FBH1: variants seen among roughly 807,000 people sequenced by gnomAD.
The protein encoded by FBH1 is F-box DNA helicase 1, also known as DNA 3'-5' helicase 1.
Under a neutral mutation model 115.5 loss-of-function variants are expected in FBH1, and 43 were observed. That is an observed-to-expected ratio of 0.37 (90% CI 0.29 to 0.48). The LOEUF is 0.48. Ranked by LOEUF, FBH1 falls within the 20% of genes least tolerant of loss-of-function variation. The pLI is 0.99. For synonymous variants in FBH1, 524 were observed against 507.8 expected (o/e 1.03, Z -0.43); for missense variants, 1,001 against 1,337.3 (o/e 0.75, Z 3.92).
In FBH1 at chr10:5,917,786, G is replaced by A. The variant is rs1193371810; in HGVS notation, c.1963+110G>A. The A allele has an allele frequency of 5.7e-6, 5 of 884,218 alleles. No homozygotes were observed. In the African/African-American group the frequency reaches 6.7e-5, roughly 12 times the overall value. The allele number at this position is 884,218 out of a possible 1,614,324, so 54.8% of individuals were successfully genotyped here. ...GTTGATTATTATTATTTGTGATAAAGAAGAGGATCTTCATACTTACCTTAG... is the reference window on the plus strand; with the variant it reads ...GTTGATTATTATTATTTGTGATAAAAAAGAGGATCTTCATACTTACCTTAG... On this transcript the variant is annotated intron_variant, in intron 12 of 20. Coordinates refer to ENST00000362091, the MANE Select transcript of FBH1 (RefSeq NM_178150.3). The surrounding 1 kb of genome is among the most constrained non-coding windows in gnomAD (Gnocchi z 5.6).
Position 5,935,736 on chromosome 10 carries a change from G to A in FBH1, c.2830-720G>A, listed in dbSNP as rs1833296181. 1 of 152,166 alleles carries A rather than the reference G, an allele frequency of 6.6e-6. No homozygotes were observed. The highest frequency in any genetic ancestry group is 1.5e-5 in the Non-Finnish European group (1 of 67,986). 9.4% of individuals were successfully genotyped at this position (152,166 alleles called of 1,614,324 possible). The stretch of plus-strand genomic sequence containing the variant: ...TAGCTGGTCATAATCCAGAAAATAC[G>A]AAACCGTCCTTTCCTGGGCAGCAGA... On this transcript the variant is annotated intron_variant, in intron 19 of 20. Transcript: ENST00000362091. This position sits in a 1 kb window ranked among gnomAD's most constrained non-coding sequence, Gnocchi z 5.2.
chr10:5,896,906 T>C (rs1179766423), intron 1 of FBH1, among the ~76,000 whole-genome samples: 2 of 152,090 alleles, frequency 1.3e-5, no homozygotes, highest in East Asian at 1.9e-4. Flanking sequence ...GGAAGGAGGA[T>C]TTTTATGGAA....
At chr10:5,930,954 T>G (rs999590626) in intron 19 of FBH1, among the ~76,000 whole-genome samples, 2 of 152,050 alleles carry the variant, frequency 1.3e-5, no homozygotes, top group Non-Finnish European at 2.9e-5. Flanking sequence ...AGACAGGGTC[T>G]CACTCACTAT....
Position 5,895,026 on chromosome 10 carries a change from T to A in FBH1, c.1+4680T>A. On this transcript the variant is annotated intron_variant, in intron 1 of 20. Coordinates refer to ENST00000362091, the MANE Select transcript of FBH1 (RefSeq NM_178150.3). This position sits in a 1 kb window ranked among gnomAD's most constrained non-coding sequence, Gnocchi z 5.0. ...GGAGTTGAGAGATAACACAGTTAAC[T>A]GTTGAAATTGGGCCATTCCCGTTTC... The A allele has an allele frequency of 6.2e-7, 1 of 1,602,184 alleles. No homozygotes were observed. Among genetic ancestry groups the A allele is most frequent in the Non-Finnish European group, 8.5e-7 (1 of 1,171,990 alleles).
Position 5,921,006 on chromosome 10 carries a change from A to G in FBH1, c.2101-252A>G, listed in dbSNP as rs189477098. On this transcript the variant is annotated intron_variant, in intron 13 of 20. Transcript: ENST00000362091. The surrounding 1 kb of genome is among the most constrained non-coding windows in gnomAD (Gnocchi z 6.4). Reference sequence around the variant, plus strand: ...TCATCTTTTGTATGATTTAGACTTCACTAGATTTGATTTGGAGAAAAGGGT... The same window carrying G: ...TCATCTTTTGTATGATTTAGACTTCGCTAGATTTGATTTGGAGAAAAGGGT... Among the ~76,000 whole-genome samples, 131 of 152,354 alleles carry G rather than the reference A, an allele frequency of 8.6e-4. No individual in the cohort carries two copies. Among genetic ancestry groups the G allele is most frequent in the African/African-American group, 3.1e-3 (129 of 41,584 alleles).
rs114297144 is a variant in FBH1 at position 5,910,307 on chromosome 10, T to C, written c.1021-631T>C. 7.7e-3 allele frequency among the ~76,000 whole-genome samples: 1,169 copies of C among 151,992 alleles called. 14 individuals are homozygous for C. The highest frequency in any genetic ancestry group is 0.027 in the African/African-American group (1,116 of 41,468). ...AAAAAAAAAAAAAGATGAAGATCTG[T>C]GTCCACTATTGACTGTTTCTGTGTA... is the stretch of plus-strand genomic sequence containing the variant. On this transcript the variant is annotated intron_variant, in intron 5 of 20. Transcript: ENST00000362091. This position sits in a 1 kb window ranked among gnomAD's most constrained non-coding sequence, Gnocchi z 4.8.
At position 5,915,033 on chromosome 10, in the gene FBH1, C is replaced by T. The variant is rs1477445687; in HGVS notation, c.1397-370C>T. On this transcript the variant is annotated intron_variant, in intron 8 of 20. Transcript: ENST00000362091. This position sits in a 1 kb window ranked among gnomAD's most constrained non-coding sequence, Gnocchi z 5.2. ...AATTCAAAGCTGGACCTGTCTCTCT[C>T]CAGAGACATGCCTTCCCCCTCCCTA... Among the ~76,000 whole-genome samples the T allele has an allele frequency of 6.6e-6, 1 of 152,124 alleles. No individual in the cohort carries two copies. The highest frequency in any genetic ancestry group is 6.5e-5 in the Admixed American group (1 of 15,270).
chr10:5,907,385 A>G (rs1337593559), intron 3 of FBH1, among the ~76,000 whole-genome samples: 3 of 148,516 alleles, frequency 2.0e-5, no homozygotes, highest in Non-Finnish European at 3.0e-5. Flanking sequence ...TTTCATTTTC[A>G]TTTGTCTCAA....
In FBH1 at chr10:5,910,321, T is replaced by C. The variant is rs1468833098; in HGVS notation, c.1021-617T>C. On this transcript the variant is annotated intron_variant, in intron 5 of 20. Transcript: ENST00000362091. The surrounding 1 kb of genome is among the most constrained non-coding windows in gnomAD (Gnocchi z 4.8). ...ATGAAGATCTGTGTCCACTATTGAC[T>C]GTTTCTGTGTAAGCGAACATTTACA... Among the ~76,000 whole-genome samples, 1 of 152,056 alleles carries C rather than the reference T, an allele frequency of 6.6e-6. No individual in the cohort carries two copies. The highest frequency in any genetic ancestry group is 2.4e-5 in the African/African-American group (1 of 41,408).
intron 19 of FBH1, chr10:5,934,228 C>T (rs1833166102): frequency 2.0e-5 from 3 of 152,176 alleles, no homozygotes; most frequent in Non-Finnish European, 4.4e-5. Flanking sequence ...TCTTTGACCC[C>T]TCCCCCTTAG....
At position 5,936,546 on chromosome 10, in the gene FBH1, G is replaced by A. The variant is rs1833369976; in HGVS notation, c.2920G>A (p.Val974Ile). 1 of 1,614,060 alleles carries A rather than the reference G, an allele frequency of 6.2e-7. No individual in the cohort carries two copies. The highest frequency in any genetic ancestry group is 8.5e-7 in the Non-Finnish European group (1 of 1,180,018). The change falls in exon 20 of 21, where the codon GTT (valine) becomes ATT (isoleucine). Residue 974 changes from valine to isoleucine, a missense_variant. Transcript: ENST00000362091. The surrounding 1 kb of genome is among the most constrained non-coding windows in gnomAD (Gnocchi z 5.6). ...CVGQCNNAIP[V>I]DTVLTMKKLP... Reference sequence around the variant, plus strand: ...GGGACAGTGCAACAATGCCATCCCTGTTGACACCGTCCTTACCATGAAGAA... The same window carrying A: ...GGGACAGTGCAACAATGCCATCCCTATTGACACCGTCCTTACCATGAAGAA...
At chr10:5,920,668 T>G (rs181906711) in intron 13 of FBH1, among the ~76,000 whole-genome samples, 127 of 152,390 alleles carry the variant, frequency 8.3e-4, no homozygotes, top group African/African-American at 2.9e-3. Context: ...TGACTGTTAC[T>G]GCTATTCACC....
At chr10:5,894,350 A>T (rs1842893144) in intron 1 of FBH1, 1 of 1,562,232 alleles carries the variant, frequency 6.4e-7, no homozygotes, top group Non-Finnish European at 8.7e-7. Flanking sequence ...TTTTAAAAAA[A>T]TGTAATATGG....
chr10:5,925,415 C>T lies in FBH1; in HGVS notation c.2645C>T (p.Thr882Ile). The T allele has an allele frequency of 6.2e-7, 1 of 1,614,242 alleles. No individual in the cohort carries two copies. Among genetic ancestry groups the T allele is most frequent in the Non-Finnish European group, 8.5e-7 (1 of 1,180,060 alleles). The change falls in exon 18 of 21, where the codon ACT (threonine) becomes ATT (isoleucine). Residue 882 changes from threonine (T) to isoleucine (I), a missense_variant. Thr to Ile is a moderately conservative substitution (Grantham distance 89). Transcript: ENST00000362091. The surrounding 1 kb of genome is among the most constrained non-coding windows in gnomAD (Gnocchi z 4.6). Reference sequence around the variant, plus strand: ...AAAGCCAAAGGCCTGGAGTTTGACACTGTGCATGTTTTGGATGATTTTGTG... The same window carrying T: ...AAAGCCAAAGGCCTGGAGTTTGACATTGTGCATGTTTTGGATGATTTTGTG... ...VHKAKGLEFD[T>I]VHVLDDFVKV...
rs546071206 is a variant in FBH1 at position 5,917,174 on chromosome 10, C to A, written c.1789-246C>A. Reference sequence around the variant, plus strand: ...AACAATTTGGCCTTTTCTGGTTCACCTAACTGTTATGATCTCTGTCCTGTC... The same window carrying A: ...AACAATTTGGCCTTTTCTGGTTCACATAACTGTTATGATCTCTGTCCTGTC... On this transcript the variant is annotated intron_variant, in intron 10 of 20. Transcript: ENST00000362091. The surrounding 1 kb of genome is among the most constrained non-coding windows in gnomAD (Gnocchi z 5.6). 1 of 505,414 alleles carries A rather than the reference C, an allele frequency of 2.0e-6. No homozygotes were observed. The highest frequency in any genetic ancestry group is 3.6e-6 in the Non-Finnish European group (1 of 280,506). The allele number at this position is 505,414 out of a possible 1,614,324, so 31.3% of individuals were successfully genotyped here. A position where few individuals can be genotyped will look rare whatever the true frequency, so the allele number is the denominator to read the frequency against.
At position 5,911,485 on chromosome 10, in the gene FBH1, A is replaced by G. The variant is rs1831588456; in HGVS notation, c.1211+357A>G. On this transcript the variant is annotated intron_variant, in intron 6 of 20. Transcript: ENST00000362091. The surrounding 1 kb of genome is among the most constrained non-coding windows in gnomAD (Gnocchi z 5.4). ...TTAGGCTCTACTTCCTCCATATCCC[A>G]CTTGTGGGATGGAAAAGACTCATCC... Among the ~76,000 whole-genome samples the G allele has an allele frequency of 6.6e-6, 1 of 152,130 alleles. No individual in the cohort carries two copies. The highest frequency in any genetic ancestry group is 2.1e-4 in the South Asian group (1 of 4,816).
rs1450711725 is a variant in FBH1, at chr10:5,915,999, G to A, written c.1566-235G>A. On this transcript the variant is annotated intron_variant, in intron 9 of 20. Transcript: ENST00000362091. This position sits in a 1 kb window ranked among gnomAD's most constrained non-coding sequence, Gnocchi z 5.2. ...CCTTCTGGAGCCCAGCTTCATGGTG[G>A]AATAGCAGTGTCTGCCGAAAGCTGG... 1 of 545,782 alleles carries A rather than the reference G, an allele frequency of 1.8e-6. No homozygotes were observed. The highest frequency in any genetic ancestry group is 1.9e-5 in the African/African-American group (1 of 52,906). 33.8% of individuals were successfully genotyped at this position (545,782 alleles called of 1,614,324 possible).
chr10:5,929,766 T>TG (rs370725382), intron 19 of FBH1: 20 of 152,370 alleles, frequency 1.3e-4, no homozygotes, highest in African/African-American at 4.6e-4. Context: ...TGCTGACCTC[T>TG]GGTTTAAAGA....
intron 1 of FBH1, chr10:5,894,414 G>A (rs1842896590): frequency 1.9e-6 from 3 of 1,610,592 alleles, no homozygotes; most frequent in Admixed American, 1.7e-5. Context: ...GATACAGAGT[G>A]AAGAATGTCA....
Sources: allele counts gnomAD v4.1 joint callset (sites outside exome capture counted in the v4.1 genomes callset), GRCh38; gene constraint gnomAD v4.1.1; non-coding constraint Gnocchi (gnomAD v3.1); transcripts MANE v1.5; gene names NCBI Gene and HGNC (gene_info 2026-07-23, HGNC 2026-07-21).